PCDH11X: variants seen among roughly 807,000 people sequenced by gnomAD.
PCDH11X encodes the protein protocadherin 11 X-linked, also known as protocadherin-11 X-linked.
PCDH11X carries 18 observed loss-of-function variants against 53.3 expected under a neutral mutation model. That is an observed-to-expected ratio of 0.34 (90% CI 0.23 to 0.50). The LOEUF is 0.50. Ranked by LOEUF, PCDH11X falls within the 20% of genes least tolerant of loss-of-function variation. The probability of loss-of-function intolerance (pLI) is 0.98; values close to 1 mark genes in which losing one functional copy is unlikely to be tolerated. For synonymous variants in PCDH11X, 279 were observed against 393.3 expected (o/e 0.71, Z 3.44); for missense variants, 570 against 1,032.4 (o/e 0.55, Z 6.14).
chrX:91,787,578 G>A (rs1258160048), intron 1 of PCDH11X, among the ~76,000 whole-genome samples: 1 of 110,991 alleles, frequency 9.0e-6, no homozygotes, highest in Non-Finnish European at 1.9e-5. Flanking sequence ...GGAATTGTAA[G>A]TTATTTCAAG....
At chrX:91,780,653 C>G (rs1935102438) in intron 1 of PCDH11X, among the ~76,000 whole-genome samples, 1 of 112,528 alleles carries the variant, frequency 8.9e-6, no homozygotes, top group African/African-American at 3.2e-5. Context: ...AAGCGCGTAG[C>G]GATAAAACGG....
At chrX:91,903,599 C>A (rs1302857471) in intron 6 of PCDH11X, among the ~76,000 whole-genome samples, 1 of 108,624 alleles carries the variant, frequency 9.2e-6, no homozygotes, top group Non-Finnish European at 1.9e-5. Flanking sequence ...ATTCTATTTA[C>A]ATAACATGAT....
At chrX:92,357,370 G>T (rs1264487760) in intron 8 of PCDH11X, among the ~76,000 whole-genome samples, 1 of 111,322 alleles carries the variant, frequency 9.0e-6, no homozygotes, top group Admixed American at 9.6e-5. Flanking sequence ...TTGGAAAAAC[G>T]AAATCTAGTC....
chrX:92,025,776 T>C (rs1427372575), intron 6 of PCDH11X, among the ~76,000 whole-genome samples: 1 of 109,504 alleles, frequency 9.1e-6, no homozygotes, highest in Admixed American at 9.9e-5. Context: ...GCAGCACTGT[T>C]TACAATAGCA....
intron 8 of PCDH11X, among the ~76,000 whole-genome samples, chrX:92,270,172 C>T (rs1316442615): frequency 9.4e-6 from 1 of 106,634 alleles, no homozygotes; most frequent in Non-Finnish European, 1.9e-5. Flanking sequence ...TCAATGGTGC[C>T]ATCTCAGCTC....
intron 1 of PCDH11X, among the ~76,000 whole-genome samples, chrX:91,791,609 C>T (rs1935539762): frequency 1.8e-5 from 2 of 108,958 alleles, no homozygotes; most frequent in South Asian, 8.1e-4. Flanking sequence ...CAAACCATAC[C>T]ATTTAAGCAT....
chrX:91,958,559 C>T (rs1383864834), intron 6 of PCDH11X, among the ~76,000 whole-genome samples: 1 of 111,023 alleles, frequency 9.0e-6, no homozygotes, highest in East Asian at 2.8e-4. Context: ...CAATCACTCA[C>T]CACTTCCCTT....
chrX:91,960,459 C>G (rs2061771629), intron 6 of PCDH11X, among the ~76,000 whole-genome samples: 1 of 110,563 alleles, frequency 9.0e-6, no homozygotes, highest in South Asian at 3.9e-4. Flanking sequence ...GAGTCTTGAT[C>G]TGTCTCCTAC....
chrX:92,293,745 A>G (rs1342469740), intron 8 of PCDH11X, among the ~76,000 whole-genome samples: 1 of 111,409 alleles, frequency 9.0e-6, no homozygotes, highest in Non-Finnish European at 1.9e-5. Flanking sequence ...CTTTTCCCAA[A>G]TTGAATTGAA....
At chrX:92,454,966 G>A (rs970270254) in intron 9 of PCDH11X, among the ~76,000 whole-genome samples, 23 of 110,204 alleles carry the variant, frequency 2.1e-4, no homozygotes, top group Non-Finnish European at 4.0e-4. Flanking sequence ...TTGAGGAAAT[G>A]TGTTAATGCA....
intron 10 of PCDH11X, among the ~76,000 whole-genome samples, chrX:92,596,911 CA>C (rs1327771052): frequency 9.2e-6 from 1 of 108,865 alleles, no homozygotes; most frequent in Admixed American, 9.9e-5. Flanking sequence ...TCAGCATAAG[CA>C]AATCAATCAT....
At chrX:92,081,736 A>T (rs2063860125) in intron 6 of PCDH11X, among the ~76,000 whole-genome samples, 1 of 110,488 alleles carries the variant, frequency 9.1e-6, no homozygotes, top group African/African-American at 3.3e-5. Flanking sequence ...ACACACACAC[A>T]CATACATACA....
intron 8 of PCDH11X, among the ~76,000 whole-genome samples, chrX:92,301,263 G>A (rs112171340): frequency 0.023 from 2,528 of 107,657 alleles, 67 homozygotes; most frequent in African/African-American, 0.082. Flanking sequence ...GCGTGGCCAG[G>A]GTGGGGACCC....
chrX:92,355,417 C>CAAAAAAAAAAAA (rs57339128), intron 8 of PCDH11X, among the ~76,000 whole-genome samples: 7 of 23,586 alleles, frequency 3.0e-4, no homozygotes, highest in African/African-American at 1.7e-3. Context: ...GACTCCGTCT[C>CAAAAAAAAAAAA]AAAAAAAAAA....
chrX:92,417,664 A>G (rs1044881272), intron 9 of PCDH11X, among the ~76,000 whole-genome samples: 10 of 110,855 alleles, frequency 9.0e-5, no homozygotes, highest in African/African-American at 2.9e-4. Context: ...TCTAAAGGTA[A>G]AAATGACTGG....
Position 92,163,334 on chromosome X carries a change from T to A in PCDH11X, c.3034-38041T>A, listed in dbSNP as rs763820870. Among the ~76,000 whole-genome samples the A allele has an allele frequency of 8.3e-5, 9 of 108,767 alleles. No homozygotes were observed. The South Asian group carries it at 3.8e-3, about 46-fold the overall frequency. 94.5% of individuals were successfully genotyped at this position (108,767 alleles called of 115,157 possible). Reference sequence around the variant, plus strand: ...GATTCTGCATACCAGATTCACGCCCTACCCTGAGTTCTGGCCAGGAGACTT... The same window carrying A: ...GATTCTGCATACCAGATTCACGCCCAACCCTGAGTTCTGGCCAGGAGACTT... On this transcript the variant is annotated intron_variant, in intron 6 of 10. Coordinates refer to ENST00000682573, the MANE Select transcript of PCDH11X (RefSeq NM_032968.5).
chrX:92,573,762 T>G (rs1922488219), intron 10 of PCDH11X, among the ~76,000 whole-genome samples: 1 of 108,041 alleles, frequency 9.3e-6, no homozygotes, highest in Non-Finnish European at 1.9e-5. Flanking sequence ...CTATAGGCTT[T>G]TCATAATTAT....
chrX:92,390,859 C>G (rs2071113584), intron 9 of PCDH11X, among the ~76,000 whole-genome samples: 1 of 99,712 alleles, frequency 1.0e-5, no homozygotes, highest in Admixed American at 1.1e-4. Flanking sequence ...AAATATAGTT[C>G]CCTGGTTGAT....
chrX:92,086,383 T>C (rs2063950741), intron 6 of PCDH11X, among the ~76,000 whole-genome samples: 1 of 111,487 alleles, frequency 9.0e-6, no homozygotes, highest in South Asian at 3.8e-4. Flanking sequence ...ATATGCATGG[T>C]TATATACAGT....
Sources: allele counts gnomAD v4.1 joint callset (sites outside exome capture counted in the v4.1 genomes callset), GRCh38; gene constraint gnomAD v4.1.1; transcripts MANE v1.5; gene names NCBI Gene and HGNC (gene_info 2026-07-23, HGNC 2026-07-21).